The following LRMDA variants were observed in gnomAD, a reference collection of about 807,000 sequenced individuals.
LRMDA encodes leucine rich melanocyte differentiation associated, also known as leucine-rich melanocyte differentiation-associated protein.
Under a neutral mutation model 29.8 loss-of-function variants are expected in LRMDA, and 18 were observed. The observed-to-expected ratio is 0.60, with a 90% confidence interval of 0.42 to 0.90. The LOEUF is 0.90. Among genes scored for constraint, LRMDA ranks in the 40% least tolerant of loss-of-function variants. The pLI is 0.00. For missense variants in LRMDA, 273 were observed against 273.9 expected, an observed-to-expected ratio of 1.00 and a Z score of 0.02; for synonymous variants, 125 against 109.4, an observed-to-expected ratio of 1.14 and a Z score of -0.89.
intron 2 of LRMDA, among the ~76,000 whole-genome samples, chr10:75,748,071 A>T (rs989732017): frequency 5.9e-5 from 9 of 152,246 alleles, no homozygotes; most frequent in African/African-American, 1.9e-4. Context: ...TAAATATTTA[A>T]GTAACAGGCT....
At chr10:76,429,039 CAA>C (rs1491381626) in intron 6 of LRMDA, among the ~76,000 whole-genome samples, 1 of 151,016 alleles carries the variant, frequency 6.6e-6, no homozygotes, top group Admixed American at 6.6e-5. Context: ...CACACACACA[CAA>C]ACACACACAC....
chr10:75,855,215 C>T (rs904348966), intron 2 of LRMDA, among the ~76,000 whole-genome samples: 9 of 152,222 alleles, frequency 5.9e-5, no homozygotes, highest in African/African-American at 1.9e-4. Flanking sequence ...TTCTCCACAT[C>T]CTCTCCAGCA....
chr10:75,654,704 C>T (rs1235310563), intron 2 of LRMDA, among the ~76,000 whole-genome samples: 1 of 152,132 alleles, frequency 6.6e-6, no homozygotes, highest in Non-Finnish European at 1.5e-5. Context: ...CACAGTAATG[C>T]AACTTAAAAG....
chr10:76,527,931 C>T (rs2132370096), intron 6 of LRMDA, among the ~76,000 whole-genome samples: 1 of 152,194 alleles, frequency 6.6e-6, no homozygotes, highest in Admixed American at 6.5e-5. Context: ...ATGCATAAAA[C>T]ACAGTGAGAA....
In LRMDA at chr10:76,128,925, G is replaced by A. The variant is rs527992692; in HGVS notation, c.516+70142G>A. ...GCGTCTACCTTATTCTAACAATTGT[G>A]AGGGATACTCAGTGGAGTCCAATTG... On this transcript the variant is annotated intron_variant, in intron 5 of 6. Coordinates refer to ENST00000611255, the MANE Select transcript of LRMDA (RefSeq NM_001305581.2). 3.9e-5 allele frequency among the ~76,000 whole-genome samples: 6 copies of A among 152,322 alleles called. No homozygotes were observed. In the East Asian group the frequency reaches 9.7e-4, roughly 25 times the overall value.
At chr10:75,583,014 G>T (rs1840613651) in intron 2 of LRMDA, among the ~76,000 whole-genome samples, 1 of 152,262 alleles carries the variant, frequency 6.6e-6, no homozygotes, top group South Asian at 2.1e-4. Flanking sequence ...ATTTCCACCT[G>T]GGAACTTCTC....
At chr10:76,398,599 C>T (rs1841815058) in intron 6 of LRMDA, among the ~76,000 whole-genome samples, 2 of 152,204 alleles carry the variant, frequency 1.3e-5, no homozygotes, top group South Asian at 4.1e-4. Flanking sequence ...ATAGACTAAA[C>T]TTATTGGGAA....
At chr10:76,464,194 C>T (rs1842541391) in intron 6 of LRMDA, among the ~76,000 whole-genome samples, 2 of 152,094 alleles carry the variant, frequency 1.3e-5, no homozygotes, top group Non-Finnish European at 2.9e-5. Context: ...GCTGGGATTA[C>T]AGGTGTAAGC....
intron 2 of LRMDA, among the ~76,000 whole-genome samples, chr10:75,933,004 C>T (rs938151654): frequency 3.3e-5 from 5 of 152,166 alleles, no homozygotes; most frequent in African/African-American, 4.8e-5. Context: ...ATCATTCAGG[C>T]GTAGATTCCT....
intron 2 of LRMDA, among the ~76,000 whole-genome samples, chr10:75,442,412 A>G (rs1844336968): frequency 6.6e-6 from 1 of 152,214 alleles, no homozygotes; most frequent in African/African-American, 2.4e-5. Flanking sequence ...TGATCTGAGA[A>G]AAGGGATCAA....
chr10:76,246,926 T>C (rs1336763989), intron 5 of LRMDA, among the ~76,000 whole-genome samples: 2 of 152,206 alleles, frequency 1.3e-5, no homozygotes, highest in Non-Finnish European at 2.9e-5. Context: ...AGGTCAGGTC[T>C]TGGAGAGTAA....
chr10:75,687,139 C>G (rs1298163425), intron 2 of LRMDA, among the ~76,000 whole-genome samples: 2 of 152,140 alleles, frequency 1.3e-5, no homozygotes, highest in Non-Finnish European at 2.9e-5. Flanking sequence ...GCAATTGGCT[C>G]TAAGTGTTCA....
intron 2 of LRMDA, among the ~76,000 whole-genome samples, chr10:75,865,498 A>G (rs906233515): frequency 2.6e-5 from 4 of 152,154 alleles, no homozygotes; most frequent in Non-Finnish European, 5.9e-5. Context: ...ATTAAAATCT[A>G]TGGAATTCTT....
At chr10:76,245,691 A>G (rs1852362978) in intron 5 of LRMDA, among the ~76,000 whole-genome samples, 1 of 152,216 alleles carries the variant, frequency 6.6e-6, no homozygotes, top group Admixed American at 6.5e-5. Context: ...AAGCAGAGCC[A>G]GGAATTGAAC....
chr10:75,877,590 C>A (rs1351100214), intron 2 of LRMDA, among the ~76,000 whole-genome samples: 1 of 152,194 alleles, frequency 6.6e-6, no homozygotes, highest in Non-Finnish European at 1.5e-5. Flanking sequence ...AAATATGTTA[C>A]TTGTAGGGTA....
chr10:75,818,504 A>T (rs921095757), intron 2 of LRMDA, among the ~76,000 whole-genome samples: 9 of 152,280 alleles, frequency 5.9e-5, no homozygotes, highest in African/African-American at 2.2e-4. Context: ...GAGAGATGAG[A>T]TCTTATTTGA....
At chr10:75,565,729 T>C (rs1038184255) in intron 2 of LRMDA, among the ~76,000 whole-genome samples, 3 of 152,218 alleles carry the variant, frequency 2.0e-5, no homozygotes, top group Admixed American at 1.3e-4. Context: ...TGTGAAACTC[T>C]GTACTTCCTA....
intron 5 of LRMDA, among the ~76,000 whole-genome samples, chr10:76,147,741 T>A (rs1305830454): frequency 6.6e-6 from 1 of 152,230 alleles, no homozygotes; most frequent in East Asian, 1.9e-4. Context: ...GCTGCGTTCC[T>A]TCGGAGGAGG....
Position 75,675,324 on chromosome 10 carries a change from G to A in LRMDA, c.131+236830G>A, listed in dbSNP as rs185616159. On this transcript the variant is annotated intron_variant, in intron 2 of 6. Coordinates refer to ENST00000611255, the MANE Select transcript of LRMDA (RefSeq NM_001305581.2). ...GCTAGCAGATCTAAAAGAATCTTAT[G>A]GTATGTTTTCTTCAAAAGTCCTTTC... Among the ~76,000 whole-genome samples the A allele has an allele frequency of 2.0e-5, 3 of 152,212 alleles. No individual in the cohort carries two copies. In the East Asian group the frequency reaches 5.8e-4, roughly 29 times the overall value.
Sources: gnomAD v4.1 joint callset for allele counts (sites outside exome capture counted in the v4.1 genomes callset) on GRCh38, gnomAD v4.1.1 for gene constraint, MANE v1.5 for transcripts, NCBI Gene and HGNC (gene_info 2026-07-23, HGNC 2026-07-21) for gene names.